FBN1: variants seen among roughly 807,000 people sequenced by gnomAD.
FBN1 encodes fibrillin-1.
In FBN1, 29 loss-of-function variants were observed where a neutral mutation model predicts 365.1. That is an observed-to-expected ratio of 0.08 (90% CI 0.06 to 0.11). FBN1 has a LOEUF of 0.11. FBN1 is among the 10% of genes least tolerant of loss of function. The probability of loss-of-function intolerance (pLI) is 1.00; values close to 1 mark genes in which losing one functional copy is unlikely to be tolerated. For missense variants in FBN1, 2,476 were observed against 3,703.2 expected, an observed-to-expected ratio of 0.67 and a Z score of 8.60; for synonymous variants, 1,210 against 1,270.5, an observed-to-expected ratio of 0.95 and a Z score of 1.01.
chr15:48,615,121 ATGACAATCCAGGCCAAAGTCAACCAC>A (rs1402394952), intron 2 of FBN1, among the ~76,000 whole-genome samples: 1 of 152,162 alleles, frequency 6.6e-6, no homozygotes, highest in Non-Finnish European at 1.5e-5. Context: ...TCAATTTGAA[ATGACAATCCAGGCCAAAGTCAACCAC>A]CTCAAACCTT....
intron 32 of FBN1, among the ~76,000 whole-genome samples, chr15:48,478,837 TG>T (rs2043445182): frequency 6.6e-6 from 1 of 152,062 alleles, no homozygotes; most frequent in Non-Finnish European, 1.5e-5. Context: ...CTAAAGTGAT[TG>T]GGGGAAAAAA....
chr15:48,443,987 G>A (rs964932700), intron 49 of FBN1, among the ~76,000 whole-genome samples: 2 of 152,206 alleles, frequency 1.3e-5, no homozygotes, highest in Non-Finnish European at 1.5e-5. Context: ...AGCTATACTC[G>A]TGCCACTGTA....
intron 60 of FBN1, among the ~76,000 whole-genome samples, chr15:48,424,188 A>C (rs1002870872): frequency 7.9e-5 from 12 of 152,228 alleles, no homozygotes; most frequent in Admixed American, 5.2e-4. Context: ...GACTTCATTT[A>C]AGATGTTTAG....
intron 6 of FBN1, among the ~76,000 whole-genome samples, chr15:48,549,283 T>G (rs117653729): frequency 3.0e-3 from 455 of 152,322 alleles, no homozygotes; most frequent in Non-Finnish European, 5.6e-3. Flanking sequence ...CAATCACATA[T>G]TCTCTTCCAG....
chr15:48,490,801 T>C (rs2043551755), intron 24 of FBN1, among the ~76,000 whole-genome samples: 1 of 152,238 alleles, frequency 6.6e-6, no homozygotes, highest in African/African-American at 2.4e-5. Flanking sequence ...TTGTCTTCAA[T>C]AAATTATCCT....
chr15:48,425,917 A>G, intron 58 of FBN1, 53 bp from the exon 59 acceptor site: 1 of 1,406,934 alleles, frequency 7.1e-7, no homozygotes. Context: ...TGACAACATT[A>G]ATATGTAGGG....
At chr15:48,623,621 G>A (rs1307883579) in intron 2 of FBN1, among the ~76,000 whole-genome samples, 2 of 152,338 alleles carry the variant, frequency 1.3e-5, no homozygotes, top group Non-Finnish European at 1.5e-5. Context: ...TGCTGCAACT[G>A]ATCAAGGCCA....
intron 35 of FBN1, among the ~76,000 whole-genome samples, chr15:48,471,121 T>C (rs1334734210): frequency 1.3e-5 from 2 of 152,152 alleles, no homozygotes; most frequent in African/African-American, 2.4e-5. Flanking sequence ...ACTGTTTTTG[T>C]TGTGAATTAA....
intron 6 of FBN1, among the ~76,000 whole-genome samples, chr15:48,560,921 T>C (rs923565949): frequency 6.6e-6 from 1 of 152,154 alleles, no homozygotes; most frequent in Non-Finnish European, 1.5e-5. Context: ...AATTTCCTCA[T>C]CTGAACAATA....
intron 8 of FBN1, among the ~76,000 whole-genome samples, chr15:48,530,799 G>C (rs1223408938): frequency 6.6e-6 from 1 of 152,134 alleles, no homozygotes; most frequent in African/African-American, 2.4e-5. Flanking sequence ...ACATATTATG[G>C]AGTGCATGGA....
chr15:48,419,884 G>C (rs1049196795), intron 63 of FBN1, among the ~76,000 whole-genome samples: 1 of 152,222 alleles, frequency 6.6e-6, no homozygotes, highest in African/African-American at 2.4e-5. Context: ...ACAAGTGAAT[G>C]TGACACTTGA....
Position 48,637,279 on chromosome 15 carries a change from C to A in FBN1, c.164+7327G>T, listed in dbSNP as rs148080668. Among the ~76,000 whole-genome samples the A allele has an allele frequency of 1.5e-3, 222 of 152,326 alleles. 1 individual carries two copies. Among genetic ancestry groups the A allele is most frequent in the African/African-American group, 5.1e-3 (213 of 41,580 alleles). On this transcript the variant is annotated intron_variant, in intron 2 of 65. Transcript: ENST00000316623. ...ATCATCTACCCTTCACACCTCTACCCAGTGGCAAAGATCTGATCATGTTCC... is the reference window on the plus strand; with the variant it reads ...ATCATCTACCCTTCACACCTCTACCAAGTGGCAAAGATCTGATCATGTTCC...
intron 10 of FBN1, among the ~76,000 whole-genome samples, chr15:48,519,607 A>G (rs1378662670): frequency 6.6e-6 from 1 of 152,176 alleles, no homozygotes; most frequent in Non-Finnish European, 1.5e-5. Flanking sequence ...GTCATGTTTG[A>G]GCAGATCCTT....
Position 48,600,051 on chromosome 15 carries a change from G to A in FBN1, c.442+88C>T, listed in dbSNP as rs942284641. On this transcript the variant is annotated intron_variant, in intron 5 of 65. Transcript: ENST00000316623. ...TAAACATGCTGTGTCCCAGGTAATC[G>A]AAGAAAATCCATCAGCACTTATCTC... 35 of 951,610 alleles carry A rather than the reference G, an allele frequency of 3.7e-5. 1 individual carries two copies. The highest frequency in any genetic ancestry group is 2.2e-4 in the Admixed American group (13 of 58,102). The allele number at this position is 951,610 out of a possible 1,614,324, so 58.9% of individuals were successfully genotyped here.
Position 48,628,357 on chromosome 15 carries a change from T to C in FBN1, c.165-15265A>G, listed in dbSNP as rs966676293. On this transcript the variant is annotated intron_variant, in intron 2 of 65. Transcript: ENST00000316623. ...CAATGCCGAAATGAAGGTACAAAAA[T>C]TCACTTCTGAATATTAAAATCTCTG... 3.3e-5 allele frequency among the ~76,000 whole-genome samples: 5 copies of C among 151,952 alleles called. No individual in the cohort carries two copies. The South Asian group carries it at 1.0e-3, about 31-fold the overall frequency.
chr15:48,437,565 C>T (rs1676287496), intron 51 of FBN1, 178 bp from the exon 52 acceptor site: 6 of 787,962 alleles, frequency 7.6e-6, no homozygotes, highest in Non-Finnish European at 1.3e-5. Flanking sequence ...TGTGTCTACT[C>T]CTTGGGCATC....
At chr15:48,473,016 T>A (rs1328405684) in intron 34 of FBN1, among the ~76,000 whole-genome samples, 4 of 152,216 alleles carry the variant, frequency 2.6e-5, no homozygotes, top group African/African-American at 9.6e-5. Flanking sequence ...GTTTCAGGCT[T>A]AGCTTAGATG....
At chr15:48,430,464 G>A (rs1027422207) in intron 56 of FBN1, among the ~76,000 whole-genome samples, 1 of 152,192 alleles carries the variant, frequency 6.6e-6, no homozygotes, top group African/African-American at 2.4e-5. Context: ...AGCAGACAAA[G>A]GCCAGATCAG....
intron 40 of FBN1, among the ~76,000 whole-genome samples, chr15:48,465,013 C>T (rs1049158366): frequency 6.6e-6 from 1 of 152,176 alleles, no homozygotes; most frequent in African/African-American, 2.4e-5. Flanking sequence ...GTGATTCCTC[C>T]ATGTAGATGA....
Sources: gnomAD v4.1 joint callset for allele counts (sites outside exome capture counted in the v4.1 genomes callset) on GRCh38, gnomAD v4.1.1 for gene constraint, MANE v1.5 for transcripts, NCBI Gene and HGNC (gene_info 2026-07-23, HGNC 2026-07-21) for gene names.